Variants in NAV3 observed in about 807,000 individuals in gnomAD.
The protein encoded by NAV3 is neuron navigator 3.
A neutral mutation model predicts 244.7 loss-of-function variants in NAV3; 87 were observed. That is an observed-to-expected ratio of 0.36 (90% CI 0.30 to 0.42). The LOEUF (loss-of-function observed/expected upper bound fraction) is 0.42, where lower values mean the gene tolerates loss of function less well. Ranked by LOEUF, NAV3 falls within the 20% of genes least tolerant of loss-of-function variation. NAV3 has a pLI of 1.00. For missense variants in NAV3, 2,663 were observed against 2,893.3 expected (o/e 0.92, Z 1.83); for synonymous variants, 1,126 against 1,042.2 (o/e 1.08, Z -1.55).
chr12:77,770,982 C>T (rs1870049248), intron 2 of NAV3, among the ~76,000 whole-genome samples: 2 of 152,010 alleles, frequency 1.3e-5, no homozygotes, highest in Non-Finnish European at 2.9e-5. Context: ...AGGCAACCTA[C>T]AAAATGGGAG....
intron 12 of NAV3, among the ~76,000 whole-genome samples, chr12:78,083,293 G>A (rs1250068728): frequency 6.6e-6 from 1 of 152,120 alleles, no homozygotes; most frequent in African/African-American, 2.4e-5. Flanking sequence ...TGAGGGCTCA[G>A]CCCTCATGAC....
chr12:77,849,527 T>A (rs1354871890), intron 1 of NAV3, among the ~76,000 whole-genome samples: 1 of 152,152 alleles, frequency 6.6e-6, no homozygotes, highest in Non-Finnish European at 1.5e-5. Context: ...CAAAACACAG[T>A]CAAAACTTTG....
At chr12:77,945,857 C>A (rs1890285998) in intron 3 of NAV3, among the ~76,000 whole-genome samples, 1 of 151,564 alleles carries the variant, frequency 6.6e-6, no homozygotes, top group Non-Finnish European at 1.5e-5. Flanking sequence ...AAGCAATTCT[C>A]CCTGCCTCAG....
chr12:77,931,120 G>A (rs562711457), intron 1 of NAV3, among the ~76,000 whole-genome samples: 37 of 151,312 alleles, frequency 2.4e-4, no homozygotes, highest in African/African-American at 8.7e-4. Flanking sequence ...TTTGACACTT[G>A]ACTTACTGAA....
intron 2 of NAV3, among the ~76,000 whole-genome samples, chr12:77,735,604 C>T (rs1045601121): frequency 6.6e-6 from 1 of 152,022 alleles, no homozygotes; most frequent in Non-Finnish European, 1.5e-5. Flanking sequence ...TTTCAATATT[C>T]CTTCAATTTT....
intron 20 of NAV3, among the ~76,000 whole-genome samples, chr12:78,145,260 A>G (rs935993837): frequency 1.3e-5 from 2 of 152,150 alleles, no homozygotes; most frequent in Non-Finnish European, 2.9e-5. Flanking sequence ...TAGCCACTAT[A>G]TTACTAAGTT....
chr12:78,199,897 A>G (rs1258374507), intron 37 of NAV3, among the ~76,000 whole-genome samples: 1 of 152,148 alleles, frequency 6.6e-6, no homozygotes, highest in Non-Finnish European at 1.5e-5. Flanking sequence ...TGTTAGTTAC[A>G]GATAACTTAA....
intron 2 of NAV3, among the ~76,000 whole-genome samples, chr12:77,727,097 C>CTCT (rs1318435985): frequency 8.6e-5 from 13 of 151,904 alleles, no homozygotes. Flanking sequence ...GGAATATCCA[C>CTCT]AGATTTGTCG....
At chr12:77,655,246 C>G (rs1873035735) in intron 2 of NAV3, among the ~76,000 whole-genome samples, 2 of 152,156 alleles carry the variant, frequency 1.3e-5, no homozygotes, top group South Asian at 2.1e-4. Context: ...ATAACCAATA[C>G]AGAGAAGTGC....
intron 2 of NAV3, among the ~76,000 whole-genome samples, chr12:77,801,165 G>C (rs1392380612): frequency 1.3e-5 from 2 of 152,118 alleles, no homozygotes. Context: ...AAGTGTGGTG[G>C]TGAGGGTTCA....
chr12:77,974,906 T>C (rs1169221983), intron 5 of NAV3, among the ~76,000 whole-genome samples: 1 of 152,204 alleles, frequency 6.6e-6, no homozygotes. Context: ...CTTCTTTCAC[T>C]TGAAGATCAT....
intron 12 of NAV3, among the ~76,000 whole-genome samples, chr12:78,064,671 AC>A (rs1884796514): frequency 6.6e-6 from 1 of 151,934 alleles, no homozygotes; most frequent in African/African-American, 2.4e-5. Flanking sequence ...ACCCTGTGTA[AC>A]TCCCAGGTGG....
rs144104795 is a variant in NAV3, at chr12:77,883,170, A to G, written c.243+51466A>G. On this transcript the variant is annotated intron_variant, in intron 1 of 39. Transcript: ENST00000397909. Reference sequence around the variant, plus strand: ...ATCCCCATGCTGTTCACAATAGGAAAGACATAGAGGGAACCTAAGAACACA... The same window carrying G: ...ATCCCCATGCTGTTCACAATAGGAAGGACATAGAGGGAACCTAAGAACACA... 3.9e-4 allele frequency among the ~76,000 whole-genome samples: 59 copies of G among 152,310 alleles called. No individual in the cohort carries two copies. The East Asian group carries it at 0.01, about 27-fold the overall frequency.
At chr12:78,140,447 T>G (rs765914314) in intron 20 of NAV3, 113 bp downstream of exon 20, 2 of 978,184 alleles carry the variant, frequency 2.0e-6, no homozygotes, top group Non-Finnish European at 1.6e-6. Flanking sequence ...ACAGGAGTTG[T>G]GTAGCAAAAT....
intron 3 of NAV3, among the ~76,000 whole-genome samples, chr12:77,956,211 C>T (rs1891343944): frequency 2.0e-5 from 3 of 152,122 alleles, no homozygotes; most frequent in Non-Finnish European, 4.4e-5. Context: ...GAAACTAAAA[C>T]ATCTTATCTA....
At chr12:77,609,107 G>T (rs1870796853) in intron 2 of NAV3, among the ~76,000 whole-genome samples, 1 of 151,996 alleles carries the variant, frequency 6.6e-6, no homozygotes, top group Non-Finnish European at 1.5e-5. Context: ...TCCAAATCTT[G>T]CAATACTATT....
chr12:77,933,691 T>G (rs1889048728), intron 1 of NAV3, among the ~76,000 whole-genome samples: 1 of 152,178 alleles, frequency 6.6e-6, no homozygotes, highest in South Asian at 2.1e-4. Flanking sequence ...TTTTAATGGA[T>G]TCGTTTCATA....
chr12:77,635,027 G>A (rs577959860), intron 2 of NAV3, among the ~76,000 whole-genome samples: 221 of 152,102 alleles, frequency 1.5e-3, no homozygotes, highest in African/African-American at 5.0e-3. Flanking sequence ...TCAGGAGTTC[G>A]AGACCAGCCT....
At chr12:77,960,573 T>A (rs1052074164) in intron 3 of NAV3, among the ~76,000 whole-genome samples, 1 of 149,050 alleles carries the variant, frequency 6.7e-6, no homozygotes, top group African/African-American at 2.4e-5. Context: ...ACACATAGCA[T>A]ATATTACCTA....
Sources: gnomAD v4.1 joint callset for allele counts (sites outside exome capture counted in the v4.1 genomes callset) on GRCh38, gnomAD v4.1.1 for gene constraint, MANE v1.5 for transcripts, NCBI Gene and HGNC (gene_info 2026-07-23, HGNC 2026-07-21) for gene names.